The following UTP25 variants were observed in gnomAD, a reference collection of about 807,000 sequenced individuals.
UTP25 encodes the protein UTP25 small subunit processome component.
Under a neutral mutation model 78.9 loss-of-function variants are expected in UTP25, and 50 were observed. The ratio of observed to expected loss-of-function variants is 0.63; its 90% CI spans 0.50 to 0.80. The LOEUF (loss-of-function observed/expected upper bound fraction) is 0.80. Among genes scored for constraint, UTP25 ranks in the 30% least tolerant of loss-of-function variants. The pLI is 0.00. For synonymous variants in UTP25, 329 were observed against 336.5 expected (o/e 0.98, Z 0.24); for missense variants, 846 against 911.3 (o/e 0.93, Z 0.92).
intron 6 of UTP25, among the ~76,000 whole-genome samples, chr1:209,838,030 C>T (rs1256804865): frequency 1.3e-5 from 2 of 152,206 alleles, no homozygotes; most frequent in African/African-American, 2.4e-5. Flanking sequence ...TTACTGTCAC[C>T]GCTGGAACAA....
intron 4 of UTP25, among the ~76,000 whole-genome samples, chr1:209,833,679 C>A (rs767879662): frequency 5.9e-5 from 9 of 152,122 alleles, no homozygotes; most frequent in Non-Finnish European, 1.3e-4. Context: ...GGAAAAAATA[C>A]TTCCTCTACC....
Position 209,838,959 on chromosome 1 carries a change from C to T in UTP25, c.1113C>T (p.Leu371=). 6.2e-7 allele frequency: 1 copy of T among 1,614,074 alleles called. No homozygotes were observed. The highest frequency in any genetic ancestry group is 8.5e-7 in the Non-Finnish European group (1 of 1,179,988). ...AAGCTGCTTTGCGGGTGGTGCAGCT[C>T]TTCATCAGCCTCCTCGAGGGTGACA... ...FREAALRVVQ[L]FISLLEGDSK... The change falls in exon 7 of 12, where the codon CTC becomes CTT. Residue 371 remains leucine (L), a synonymous_variant. Transcript: ENST00000491415.
At chr1:209,830,074 T>G (rs752164512) in intron 1 of UTP25, 34 bp from the exon 2 acceptor site, 1 of 1,588,496 alleles carries the variant, frequency 6.3e-7, no homozygotes, top group Non-Finnish European at 8.6e-7. Context: ...TACATACTAG[T>G]AGTTAGAATG....
At chr1:209,835,267 G>A (rs1442796962) in intron 5 of UTP25, 104 bp downstream of exon 5, 3 of 932,936 alleles carry the variant, frequency 3.2e-6, no homozygotes, top group Non-Finnish European at 5.0e-6. Context: ...TACACCTGCA[G>A]TAGATGGCTT....
At position 209,857,011 on chromosome 1, in the gene UTP25, A is replaced by G. The variant is rs952702484; in HGVS notation, c.*5564A>G. 1 of 152,228 alleles carries G rather than the reference A, an allele frequency of 6.6e-6. No individual in the cohort carries two copies. Among genetic ancestry groups the G allele is most frequent in the Non-Finnish European group, 1.5e-5 (1 of 68,044 alleles). The allele number at this position is 152,228 out of a possible 1,614,324, so 9.4% of individuals were successfully genotyped here. On this transcript the variant is annotated 3_prime_UTR_variant, in exon 12 of 12. Transcript: ENST00000491415. Reference sequence around the variant, plus strand: ...AAAGCTAAATTAGGTCAAATAGGAAATAAGTCAGAATCCCCAATTCGATAG... The same window carrying G: ...AAAGCTAAATTAGGTCAAATAGGAAGTAAGTCAGAATCCCCAATTCGATAG...
At chr1:209,831,087 A>C (rs1465733130) in intron 3 of UTP25, 44 bp downstream of exon 3, 2 of 1,602,170 alleles carry the variant, frequency 1.2e-6, no homozygotes, top group Non-Finnish European at 1.7e-6. Context: ...CCAGAACTAT[A>C]GACAGTTCAT....
chr1:209,841,001 T>A lies in UTP25; in HGVS notation c.1431T>A (p.Leu477=), dbSNP rs749821868. Residue 477 remains leucine (L), a synonymous_variant, in exon 8 of 12, where the codon CTT becomes CTA. Transcript: ENST00000491415. ...TTGACTTTCTGTCTTCTATCGAGCTTCTCATCATTGATCAAGCTGACATTT... is the reference window on the plus strand; with the variant it reads ...TTGACTTTCTGTCTTCTATCGAGCTACTCATCATTGATCAAGCTGACATTT... ...RDFDFLSSIE[L]LIIDQADIYL... is the part of the protein sequence containing the mutation. 5.4e-5 allele frequency: 87 copies of A among 1,613,978 alleles called. No individual in the cohort carries two copies. The highest frequency in any genetic ancestry group is 7.2e-5 in the Non-Finnish European group (85 of 1,179,966).
intron 5 of UTP25, among the ~76,000 whole-genome samples, chr1:209,835,555 T>C (rs1412706288): frequency 2.6e-5 from 4 of 152,220 alleles, no homozygotes; most frequent in Non-Finnish European, 5.9e-5. Flanking sequence ...TAAAACAGTG[T>C]TCATTAAAAC....
At chr1:209,842,723 G>T (rs1450782408) in intron 10 of UTP25, 28 bp downstream of exon 10, 2 of 1,547,188 alleles carry the variant, frequency 1.3e-6, no homozygotes, top group Non-Finnish European at 1.8e-6. Flanking sequence ...GCAGGCCCCT[G>T]GGGACCACAT....
chr1:209,831,311 G>T (rs1371937788), intron 3 of UTP25, among the ~76,000 whole-genome samples: 1 of 152,212 alleles, frequency 6.6e-6, no homozygotes, highest in African/African-American at 2.4e-5. Flanking sequence ...AGAGGAAGGA[G>T]AACACAGTTC....
chr1:209,849,284 A>G (rs1287721242), intron 11 of UTP25, among the ~76,000 whole-genome samples: 3 of 152,122 alleles, frequency 2.0e-5, no homozygotes, highest in African/African-American at 7.2e-5. Flanking sequence ...GGTGAAGTGT[A>G]TACAGCTTCT....
At chr1:209,831,785 G>C (rs2078104745) in intron 3 of UTP25, among the ~76,000 whole-genome samples, 1 of 152,130 alleles carries the variant, frequency 6.6e-6, no homozygotes, top group Non-Finnish European at 1.5e-5. Context: ...AGTTTTGCCT[G>C]TTCTAGAAAT....
intron 3 of UTP25, among the ~76,000 whole-genome samples, chr1:209,831,861 T>A (rs1323612527): frequency 6.6e-6 from 1 of 152,246 alleles, no homozygotes; most frequent in Non-Finnish European, 1.5e-5. Flanking sequence ...CTCATGTTTT[T>A]CTAATTTATT....
At chr1:209,844,845 C>G (rs1188012774) in intron 11 of UTP25, among the ~76,000 whole-genome samples, 1 of 152,014 alleles carries the variant, frequency 6.6e-6, no homozygotes, top group Non-Finnish European at 1.5e-5. Flanking sequence ...ATGTAAAAGG[C>G]TTTTTTTAAC....
Position 209,851,233 on chromosome 1 carries a change from T to C in UTP25, c.2057T>C (p.Ile686Thr), listed in dbSNP as rs766220950. 3.7e-6 allele frequency: 6 copies of C among 1,613,582 alleles called. No individual in the cohort carries two copies. The highest frequency in any genetic ancestry group is 5.1e-6 in the Non-Finnish European group (6 of 1,179,924). Residue 686 changes from isoleucine (I) to threonine (T), a missense_variant, in exon 12 of 12, where the codon ATT (isoleucine) becomes ACT (threonine). Ile to Thr is a moderately conservative substitution (Grantham distance 89, BLOSUM62 -1). Transcript: ENST00000491415. Reference sequence around the variant, plus strand: ...ACAATAAAAGGCATCAGGAACCTGATTTTCTATGAACTGCCGACATATCCA... The same window carrying C: ...ACAATAAAAGGCATCAGGAACCTGACTTTCTATGAACTGCCGACATATCCA... ...RYTIKGIRNL[I>T]FYELPTYPHF...
At chr1:209,831,425 CAG>C (rs2078102922) in intron 3 of UTP25, among the ~76,000 whole-genome samples, 1 of 152,120 alleles carries the variant, frequency 6.6e-6, no homozygotes, top group Non-Finnish European at 1.5e-5. Context: ...AAATTTCAAA[CAG>C]TAGATTTGCG....
chr1:209,831,696 A>T (rs930820565), intron 3 of UTP25, among the ~76,000 whole-genome samples: 1 of 152,100 alleles, frequency 6.6e-6, no homozygotes, highest in Non-Finnish European at 1.5e-5. Context: ...ACCTCCAAAA[A>T]TTTTTCTTAT....
At position 209,842,688 on chromosome 1, in the gene UTP25, G is replaced by A. The variant is rs760544208; in HGVS notation, c.1774G>A (p.Asp592Asn). The A allele has an allele frequency of 3.1e-6, 5 of 1,610,702 alleles. No homozygotes were observed. The highest frequency in any genetic ancestry group is 1.7e-5 in the Admixed American group (1 of 59,562). ...MEAENLASVI[D>N]ARFNFFVNKI... ...AGCTGAAAACCTAGCTTCAGTGATT[G>A]ATGCCAGGTAACCCACTCCTCCCAG... Residue 592 changes from aspartate (D) to asparagine (N), a missense_variant, in exon 10 of 12, where the codon GAT becomes AAT. Asp to Asn is a conservative substitution (Grantham distance 23). Coordinates refer to ENST00000491415, the MANE Select transcript of UTP25 (RefSeq NM_014388.7).
intron 11 of UTP25, among the ~76,000 whole-genome samples, chr1:209,850,292 G>A (rs1417055954): frequency 6.6e-6 from 1 of 152,154 alleles, no homozygotes; most frequent in African/African-American, 2.4e-5. Flanking sequence ...CTTCTTTATG[G>A]AAAGGATGTT....
Sources: allele counts gnomAD v4.1 joint callset (sites outside exome capture counted in the v4.1 genomes callset), GRCh38; gene constraint gnomAD v4.1.1; transcripts MANE v1.5; gene names NCBI Gene and HGNC (gene_info 2026-07-23, HGNC 2026-07-21).